Variants in IRAK1BP1 observed in about 807,000 individuals in gnomAD.
IRAK1BP1 encodes the protein interleukin 1 receptor associated kinase 1 binding protein 1.
Under a neutral mutation model 28.0 loss-of-function variants are expected in IRAK1BP1, and 24 were observed. The ratio of observed to expected loss-of-function variants is 0.86; its 90% CI spans 0.62 to 1.20. The LOEUF (loss-of-function observed/expected upper bound fraction) is 1.20. Among genes scored for constraint, IRAK1BP1 ranks in the 50% most tolerant of loss-of-function variants. The pLI is 0.00. For missense variants in IRAK1BP1, 336 were observed against 316.7 expected (o/e 1.06, Z -0.46); for synonymous variants, 131 against 116.3 (o/e 1.13, Z -0.81).
At position 78,932,607 on chromosome 6, in the gene IRAK1BP1, C is replaced by T. The variant is rs1911512; in HGVS notation, c.*68-12801C>T. 2.6e-3 allele frequency among the ~76,000 whole-genome samples: 395 copies of T among 151,820 alleles called. 2 individuals are homozygous for T. Among genetic ancestry groups the T allele is most frequent in the African/African-American group, 8.8e-3 (365 of 41,424 alleles). ...CTAATTTTTGTATTTTTAGTAGAGACGGGGTTTCACCACGTTGGCCAGGCT... is the reference window on the plus strand; with the variant it reads ...CTAATTTTTGTATTTTTAGTAGAGATGGGGTTTCACCACGTTGGCCAGGCT... On this transcript the variant is annotated intron_variant and NMD_transcript_variant, in intron 4 of 4. Transcript: ENST00000606868.
intron 1 of IRAK1BP1, among the ~76,000 whole-genome samples, chr6:78,884,884 A>C (rs978940663): frequency 6.6e-6 from 1 of 152,120 alleles, no homozygotes; most frequent in African/African-American, 2.4e-5. Context: ...TAAACTAAGA[A>C]ATAGTTTAAA....
chr6:78,935,765 T>C (rs1419433487), intron 4 of IRAK1BP1: 5 of 984,848 alleles, frequency 5.1e-6, no homozygotes, highest in South Asian at 9.4e-5. Flanking sequence ...ATCTGCCATA[T>C]GACCACTTTG....
chr6:78,934,997 A>T (rs1266278098), intron 4 of IRAK1BP1, among the ~76,000 whole-genome samples: 3 of 152,174 alleles, frequency 2.0e-5, no homozygotes, highest in African/African-American at 7.2e-5. Context: ...ACGAAGTACT[A>T]TATTGCAAGG....
Position 78,867,571 on chromosome 6 carries a change from A to T in IRAK1BP1, c.-6A>T, listed in dbSNP as rs370995269. 75 of 1,611,064 alleles carry T rather than the reference A, an allele frequency of 4.7e-5. No individual in the cohort carries two copies. In the Admixed American group the frequency reaches 6.9e-4, roughly 15 times the overall value. On this transcript the variant is annotated 5_prime_UTR_variant, in exon 1 of 4. Transcript: ENST00000369940. Reference sequence around the variant, plus strand: ...TAGTTACTATGGAAACCCAGCTGCCATCGCTATGTCTCTGCAAAAGACCCC... The same window carrying T: ...TAGTTACTATGGAAACCCAGCTGCCTTCGCTATGTCTCTGCAAAAGACCCC...
the IRAK1BP1 span, among the ~76,000 whole-genome samples, chr6:78,976,173 A>T: frequency 1.3e-5 from 2 of 149,986 alleles, no homozygotes; most frequent in Non-Finnish European, 3.0e-5. Flanking sequence ...GGACCAAAAC[A>T]GAGATATAGA....
At chr6:78,889,040 C>T (rs989237560) in intron 2 of IRAK1BP1, among the ~76,000 whole-genome samples, 1 of 149,822 alleles carries the variant, frequency 6.7e-6, no homozygotes, top group African/African-American at 2.5e-5. Flanking sequence ...TTGCTTGAGC[C>T]CAGGAGGCAG....
chr6:78,941,459 G>GA (rs1264814537), intron 4 of IRAK1BP1: 1 of 572,082 alleles, frequency 1.7e-6, no homozygotes, highest in Non-Finnish European at 3.0e-6. Context: ...ATTAAAATGA[G>GA]AAAAAAGAAC....
rs1400438858 is a variant in IRAK1BP1 at position 78,899,965 on chromosome 6, A to T, written c.*1631A>T. 1 of 152,178 alleles carries T rather than the reference A, an allele frequency of 6.6e-6. No individual in the cohort carries two copies. Among genetic ancestry groups the T allele is most frequent in the Admixed American group, 6.5e-5 (1 of 15,282 alleles). The allele number at this position is 152,178 out of a possible 1,614,324, so 9.4% of individuals were successfully genotyped here. The stretch of plus-strand genomic sequence containing the variant: ...TTTTCATCAGAAATATTTTATCTGT[A>T]TTTAAATTTCCTAAAATGTACAGTT... On this transcript the variant is annotated 3_prime_UTR_variant, in exon 4 of 4. Transcript: ENST00000369940.
the IRAK1BP1 span, chr6:78,955,350 C>T: frequency 9.8e-4 from 1,096 of 1,123,778 alleles, 15 homozygotes; most frequent in Admixed American, 7.5e-3. Flanking sequence ...AGTTGATTAA[C>T]TAGCAATTAT....
downstream of IRAK1BP1, chr6:78,903,226 T>A: frequency 1.8e-6 from 1 of 555,248 alleles, no homozygotes; most frequent in Non-Finnish European, 3.1e-6. Flanking sequence ...CTCACATGTG[T>A]AATCCCAACA....
intron 1 of IRAK1BP1, among the ~76,000 whole-genome samples, chr6:78,874,995 C>G (rs1208259348): frequency 6.6e-6 from 1 of 152,124 alleles, no homozygotes; most frequent in African/African-American, 2.4e-5. Context: ...AACTATGCAT[C>G]TGACAAAGGT....
intron 1 of IRAK1BP1, among the ~76,000 whole-genome samples, chr6:78,883,098 A>T (rs995108117): frequency 3.3e-5 from 5 of 152,026 alleles, no homozygotes; most frequent in Non-Finnish European, 4.4e-5. Context: ...CTCTACAAAA[A>T]TTTTTTTAGA....
At position 78,897,847 on chromosome 6, in the gene IRAK1BP1, G is replaced by A. The variant is rs374974861; in HGVS notation, c.400G>A (p.Glu134Lys). ...MEAEVCITFTEFGKMQNICNF... is the reference protein window; with the variant it reads ...MEAEVCITFTKFGKMQNICNF... ...TTTACAGGTCTGCATTACATTTACT[G>A]AATTTGGAAAAATGCAAAATATTTG... Residue 134 changes from glutamate to lysine, a missense_variant, in exon 3 of 4, where the codon GAA (glutamate) becomes AAA (lysine). Physicochemically the swap from Glu to Lys is moderately conservative, Grantham distance 56. Coordinates refer to ENST00000369940, the MANE Select transcript of IRAK1BP1 (RefSeq NM_001010844.4). 30 of 1,612,778 alleles carry A rather than the reference G, an allele frequency of 1.9e-5. No homozygotes were observed. Among genetic ancestry groups the A allele is most frequent in the Non-Finnish European group, 2.5e-5 (29 of 1,179,312 alleles).
downstream of IRAK1BP1, chr6:78,947,689 C>G (rs758096217): frequency 6.5e-7 from 1 of 1,547,784 alleles, no homozygotes; most frequent in Non-Finnish European, 8.9e-7. Context: ...CTTTACATAA[C>G]TCCATTGGTG....
the IRAK1BP1 span, among the ~76,000 whole-genome samples, chr6:78,968,847 CAA>C: frequency 6.6e-6 from 1 of 151,236 alleles, no homozygotes; most frequent in African/African-American, 2.5e-5. Context: ...TAATTTTCCA[CAA>C]AGACAAACTT....
rs921683900 is a variant in IRAK1BP1 at position 78,935,564 on chromosome 6, C to G, written c.*68-9844C>G. The stretch of plus-strand genomic sequence containing the variant: ...AAGTATTTATCACTCATCACAGTAA[C>G]TTACGGTAAGAAATCAATAAAATTG... On this transcript the variant is annotated intron_variant and NMD_transcript_variant, in intron 4 of 4. Transcript: ENST00000606868. 3.1e-6 allele frequency: 3 copies of G among 968,540 alleles called. No homozygotes were observed. In the African/African-American group the frequency reaches 5.3e-5, roughly 17 times the overall value. The allele number at this position is 968,540 out of a possible 1,614,324, so 60.0% of individuals were successfully genotyped here.
the IRAK1BP1 span, chr6:78,955,158 T>TA: frequency 5.6e-6 from 6 of 1,070,942 alleles, no homozygotes; most frequent in South Asian, 6.1e-5. Context: ...ATGCTAAGAG[T>TA]AAAAAAATAA....
chr6:78,971,160 G>C, the IRAK1BP1 span, among the ~76,000 whole-genome samples: 1 of 152,134 alleles, frequency 6.6e-6, no homozygotes, highest in African/African-American at 2.4e-5. Context: ...ATCAAAATAA[G>C]TTAATCTATG....
At chr6:78,889,369 A>C (rs1771547854) in intron 2 of IRAK1BP1, among the ~76,000 whole-genome samples, 1 of 152,062 alleles carries the variant, frequency 6.6e-6, no homozygotes, top group East Asian at 1.9e-4. Flanking sequence ...TCATGGGCAA[A>C]GACTTCATAA....
Sources: allele counts gnomAD v4.1 joint callset (sites outside exome capture counted in the v4.1 genomes callset), GRCh38; gene constraint gnomAD v4.1.1; transcripts MANE v1.5; gene names NCBI Gene and HGNC (gene_info 2026-07-23, HGNC 2026-07-21).